Variants in SLC49A4 observed in about 807,000 individuals in gnomAD.
The protein encoded by SLC49A4 is disrupted in renal cancer protein 2.
In SLC49A4, 36 loss-of-function variants were observed where a neutral mutation model predicts 50.6. The ratio of observed to expected loss-of-function variants is 0.71; its 90% CI spans 0.55 to 0.94. SLC49A4 has a LOEUF of 0.94. Among genes scored for constraint, SLC49A4 ranks in the 40% least tolerant of loss-of-function variants. SLC49A4 has a pLI of 0.00. For synonymous variants in SLC49A4, 248 were observed against 241.2 expected (o/e 1.03, Z -0.26); for missense variants, 503 against 605.7 (o/e 0.83, Z 1.78).
chr3:122,795,521 T>G lies in SLC49A4; in HGVS notation c.329T>G (p.Leu110Arg). 6.3e-7 allele frequency: 1 copy of G among 1,599,842 alleles called. No individual in the cohort carries two copies. Among genetic ancestry groups the G allele is most frequent in the Non-Finnish European group, 8.5e-7 (1 of 1,178,152 alleles). The change falls in exon 1 of 9, where the codon CTC (leucine) becomes CGC (arginine). Residue 110 changes from leucine to arginine, a missense_variant. Leu to Arg is a moderately radical substitution (Grantham distance 102). Transcript: ENST00000261038. ...CTGCCCTGCTTCGCGTTCATGTGGCTCCTGGACAAGAGAGGTGAGGGGTCG... is the reference window on the plus strand; with the variant it reads ...CTGCCCTGCTTCGCGTTCATGTGGCGCCTGGACAAGAGAGGTGAGGGGTCG... ...GFLPCFAFMWLLDKRGLRITV... is the reference protein window; with the variant it reads ...GFLPCFAFMWRLDKRGLRITV...
chr3:122,852,279 A>G (rs1936936702), intron 5 of SLC49A4, among the ~76,000 whole-genome samples: 2 of 152,226 alleles, frequency 1.3e-5, no homozygotes, highest in African/African-American at 4.8e-5. Context: ...GGCATGAGCC[A>G]CCACACCTGG....
chr3:122,796,183 C>G (rs1936036379), intron 1 of SLC49A4, among the ~76,000 whole-genome samples: 1 of 152,130 alleles, frequency 6.6e-6, no homozygotes, highest in Non-Finnish European at 1.5e-5. Flanking sequence ...TTACCACTTG[C>G]CAGTGTGATT....
chr3:122,853,314 G>A (rs1936947877), intron 5 of SLC49A4, among the ~76,000 whole-genome samples: 2 of 152,162 alleles, frequency 1.3e-5, no homozygotes, highest in Admixed American at 1.3e-4. Context: ...TCCAACATGT[G>A]AATTTGTGGG....
chr3:122,826,498 A>G (rs1260927472), intron 2 of SLC49A4, among the ~76,000 whole-genome samples: 1 of 152,192 alleles, frequency 6.6e-6, no homozygotes, highest in Non-Finnish European at 1.5e-5. Flanking sequence ...TAACAACTAA[A>G]TGAAGCAAGG....
At chr3:122,879,103 C>A (rs1468874003) in intron 8 of SLC49A4, among the ~76,000 whole-genome samples, 160 bp from the exon 9 acceptor site, 1 of 152,208 alleles carries the variant, frequency 6.6e-6, no homozygotes, top group African/African-American at 2.4e-5. Context: ...ATCACTTAGT[C>A]TCCAGATTGT....
chr3:122,807,872 A>G (rs1226243192), intron 2 of SLC49A4, among the ~76,000 whole-genome samples: 9 of 152,200 alleles, frequency 5.9e-5, no homozygotes, highest in African/African-American at 9.7e-5. Context: ...TACTCACTGG[A>G]TAGTGGAAAA....
intron 1 of SLC49A4, among the ~76,000 whole-genome samples, chr3:122,801,843 C>T (rs1018466341): frequency 5.3e-5 from 8 of 151,998 alleles, no homozygotes; most frequent in Admixed American, 2.0e-4. Context: ...GCAGTGAAGG[C>T]GAATGACCTG....
chr3:122,819,521 C>T (rs1309061263), intron 2 of SLC49A4, among the ~76,000 whole-genome samples: 1 of 152,008 alleles, frequency 6.6e-6, no homozygotes, highest in East Asian at 1.9e-4. Context: ...GTGCCTTGAC[C>T]ATAGCAGATA....
intron 6 of SLC49A4, among the ~76,000 whole-genome samples, chr3:122,857,229 T>A (rs1303023946): frequency 1.4e-5 from 2 of 143,218 alleles, no homozygotes; most frequent in African/African-American, 2.6e-5. Context: ...CATAACCTAT[T>A]ACAACAACAC....
At chr3:122,802,512 G>A (rs1439120195) in intron 1 of SLC49A4, among the ~76,000 whole-genome samples, 1 of 152,164 alleles carries the variant, frequency 6.6e-6, no homozygotes, top group Non-Finnish European at 1.5e-5. Context: ...CAAGACTGGA[G>A]GAAGGACTGC....
At chr3:122,864,549 A>C (rs899769053) in intron 7 of SLC49A4, among the ~76,000 whole-genome samples, 1 of 152,212 alleles carries the variant, frequency 6.6e-6, no homozygotes, top group Non-Finnish European at 1.5e-5. Flanking sequence ...GAGATTATTT[A>C]TCTAATTTCA....
intron 2 of SLC49A4, among the ~76,000 whole-genome samples, chr3:122,815,096 C>CTT (rs201843402): frequency 2.8e-5 from 4 of 144,582 alleles, no homozygotes; most frequent in Non-Finnish European, 4.6e-5. Context: ...ACTGCATCTT[C>CTT]TTTTTTTTTT....
intron 2 of SLC49A4, among the ~76,000 whole-genome samples, chr3:122,814,422 A>C (rs945477471): frequency 2.6e-5 from 4 of 152,092 alleles, no homozygotes; most frequent in Admixed American, 2.0e-4. Flanking sequence ...TGTGTTGCAA[A>C]TATAATAGAT....
chr3:122,823,404 T>C (rs909971880), intron 2 of SLC49A4, among the ~76,000 whole-genome samples: 4 of 152,246 alleles, frequency 2.6e-5, no homozygotes, highest in African/African-American at 9.6e-5. Flanking sequence ...CCATCTGTAC[T>C]CTTGTCATAG....
At chr3:122,827,122 C>T in intron 3 of SLC49A4, 57 bp downstream of exon 3, 1 of 1,551,818 alleles carries the variant, frequency 6.4e-7, no homozygotes, top group Non-Finnish European at 8.7e-7. Context: ...CAATCATCTT[C>T]ACTCTACTTT....
rs1178961498 is a variant in SLC49A4, at chr3:122,822,739, C to T, written c.438-4061C>T. ...GCTCCTTCTCAATCATCTTGCTCGA[C>T]TCCCATTCCTCTATTTTTAAAATGT... On this transcript the variant is annotated intron_variant, in intron 2 of 8. Coordinates refer to ENST00000261038, the MANE Select transcript of SLC49A4 (RefSeq NM_032839.3). 3.3e-5 allele frequency among the ~76,000 whole-genome samples: 5 copies of T among 152,128 alleles called. No homozygotes were observed. In the East Asian group the frequency reaches 9.6e-4, roughly 29 times the overall value.
chr3:122,830,079 A>G (rs188360370), intron 3 of SLC49A4, among the ~76,000 whole-genome samples: 14 of 152,378 alleles, frequency 9.2e-5, no homozygotes, highest in Admixed American at 7.8e-4. Context: ...TCAATTTGCA[A>G]TAGCATCAAA....
chr3:122,846,574 C>T (rs892620588), intron 5 of SLC49A4, among the ~76,000 whole-genome samples: 2 of 152,298 alleles, frequency 1.3e-5, no homozygotes, highest in East Asian at 1.9e-4. Flanking sequence ...GGAACTGCTG[C>T]GTATAGTATA....
At chr3:122,815,558 GTC>G (rs1169338134) in intron 2 of SLC49A4, among the ~76,000 whole-genome samples, 3 of 152,330 alleles carry the variant, frequency 2.0e-5, no homozygotes, top group Admixed American at 6.5e-5. Context: ...ACAGTTAGGA[GTC>G]TCTGCTGTCA....
Sources: gnomAD v4.1 joint callset for allele counts (sites outside exome capture counted in the v4.1 genomes callset) on GRCh38, gnomAD v4.1.1 for gene constraint, MANE v1.5 for transcripts, NCBI Gene and HGNC (gene_info 2026-07-23, HGNC 2026-07-21) for gene names.